Variants in CUL2 observed in about 807,000 individuals in gnomAD.
CUL2 encodes cullin-2.
CUL2 carries 22 observed loss-of-function variants against 110.2 expected under a neutral mutation model. That is an observed-to-expected ratio of 0.20 (90% CI 0.14 to 0.28). CUL2 has a LOEUF of 0.28. Among genes scored for constraint, CUL2 ranks in the 10% least tolerant of loss-of-function variants. The pLI is 1.00. For synonymous variants in CUL2, 279 were observed against 293.2 expected, an observed-to-expected ratio of 0.95 and a Z score of 0.49; for missense variants, 631 against 905.5, an observed-to-expected ratio of 0.70 and a Z score of 3.89.
chr10:35,096,844 C>A (rs894659778), intron 2 of CUL2, among the ~76,000 whole-genome samples: 8 of 143,946 alleles, frequency 5.6e-5, no homozygotes, highest in African/African-American at 7.7e-5. Flanking sequence ...GAGTTTCACT[C>A]TGTTGCCCAG....
intron 18 of CUL2, among the ~76,000 whole-genome samples, chr10:35,015,813 C>T (rs931496323): frequency 6.6e-6 from 1 of 152,178 alleles, no homozygotes; most frequent in Non-Finnish European, 1.5e-5. Flanking sequence ...CAGACATCAA[C>T]AGGCTGTCAT....
chr10:35,020,963 G>GT (rs61100854), intron 17 of CUL2, among the ~76,000 whole-genome samples: 4,231 of 122,460 alleles, frequency 0.035, 90 homozygotes, highest in Non-Finnish European at 0.045. Flanking sequence ...TATTTTATGG[G>GT]TTTTTTTTTT....
At chr10:35,077,673 C>T (rs577294670) in intron 1 of CUL2, among the ~76,000 whole-genome samples, 4 of 151,602 alleles carry the variant, frequency 2.6e-5, no homozygotes, top group East Asian at 1.9e-4. Context: ...CAAAATTAGC[C>T]GGGCACGGTG....
intron 19 of CUL2, 139 bp downstream of exon 19, chr10:35,013,560 C>T (rs1588943107): frequency 1.8e-6 from 1 of 558,592 alleles, no homozygotes; most frequent in South Asian, 2.6e-5. Context: ...TTAATAAATG[C>T]CAACAACAAA....
intron 16 of CUL2, among the ~76,000 whole-genome samples, chr10:35,025,486 C>T (rs924095880): frequency 6.6e-6 from 1 of 152,178 alleles, no homozygotes; most frequent in African/African-American, 2.4e-5. Flanking sequence ...GATTCATTAT[C>T]ATTTCTGAAT....
intron 5 of CUL2, among the ~76,000 whole-genome samples, chr10:35,051,120 C>T (rs1485791859): frequency 6.6e-6 from 1 of 151,450 alleles, no homozygotes; most frequent in East Asian, 1.9e-4. Flanking sequence ...TTGAAACCAT[C>T]CTGGCTAACA....
At chr10:35,125,090 T>A (rs2087730076) in intron 1 of CUL2, among the ~76,000 whole-genome samples, 1 of 152,240 alleles carries the variant, frequency 6.6e-6, no homozygotes. Context: ...TTTCTTCCCA[T>A]TTAAAAACCT....
At chr10:35,067,725 C>G (rs2134967435) in intron 2 of CUL2, among the ~76,000 whole-genome samples, 1 of 148,882 alleles carries the variant, frequency 6.7e-6, no homozygotes, top group East Asian at 2.0e-4. Context: ...ACCTGGGCAA[C>G]AGAGTGAGAC....
chr10:35,078,457 G>A lies in CUL2; in HGVS notation c.-22-7118C>T, dbSNP rs1564743529. 4.6e-5 allele frequency among the ~76,000 whole-genome samples: 7 copies of A among 151,976 alleles called. No individual in the cohort carries two copies. The South Asian group carries it at 1.5e-3, about 32-fold the overall frequency. ...ATTACAGGCTTGCGCCACCACACCG[G>A]TGTAATTTTGTATTTTTTTTTTTAG... is the stretch of plus-strand genomic sequence containing the variant. On this transcript the variant is annotated intron_variant, in intron 1 of 20. Coordinates refer to ENST00000374749, the MANE Select transcript of CUL2 (RefSeq NM_003591.4).
At chr10:35,026,787 G>C (rs2085345623) in intron 16 of CUL2, among the ~76,000 whole-genome samples, 1 of 152,028 alleles carries the variant, frequency 6.6e-6, no homozygotes, top group African/African-American at 2.4e-5. Context: ...TGTTAGCAAA[G>C]CTTATTAGTA....
intron 19 of CUL2, 144 bp from the exon 20 acceptor site, chr10:35,012,108 C>A: frequency 1.7e-6 from 1 of 574,450 alleles, no homozygotes; most frequent in Non-Finnish European, 3.0e-6. Context: ...GGCTGGAGTT[C>A]AGTGACTCGC....
At chr10:35,054,306 T>C (rs942398479) in intron 5 of CUL2, 128 bp downstream of exon 5, 20 of 571,006 alleles carry the variant, frequency 3.5e-5, no homozygotes, top group Non-Finnish European at 5.2e-5. Flanking sequence ...GCATTTTATT[T>C]AGGATCTTTT....
intron 4 of CUL2, 127 bp downstream of exon 4, chr10:35,060,747 C>A (rs2086361344): frequency 2.7e-6 from 2 of 729,756 alleles, no homozygotes; most frequent in Non-Finnish European, 4.4e-6. Context: ...AGAGAAAAGT[C>A]CATGTCAGAG....
intron 19 of CUL2, 65 bp from the exon 20 acceptor site, chr10:35,012,029 T>A: frequency 1.1e-6 from 1 of 934,706 alleles, no homozygotes; most frequent in Non-Finnish European, 1.6e-6. Flanking sequence ...TGTTTTCAAT[T>A]CATTTTATCA....
At chr10:35,094,401 A>G (rs1477837022), upstream of CUL2, among the ~76,000 whole-genome samples, 1 of 152,024 alleles carries the variant, frequency 6.6e-6, no homozygotes, top group Non-Finnish European at 1.5e-5. Flanking sequence ...ACGCCCAGCT[A>G]ATTTTGTATT....
rs2134691921 is a variant in CUL2, at chr10:35,026,134, A to G, written c.1618-936T>C. The stretch of plus-strand genomic sequence containing the variant: ...TACTCTAAGTTTGCCTAGTCCTGGG[A>G]AGCTGAAATATGTTGAGCCTATTTT... On this transcript the variant is annotated intron_variant, in intron 16 of 20. Transcript: ENST00000374749. Among the ~76,000 whole-genome samples, 2 of 152,326 alleles carry G rather than the reference A, an allele frequency of 1.3e-5. 1 individual carries two copies. The highest frequency in any genetic ancestry group is 6.8e-3 in the Middle Eastern group (2 of 294).
intron 5 of CUL2, among the ~76,000 whole-genome samples, chr10:35,051,977 A>G (rs2086124190): frequency 6.6e-6 from 1 of 152,188 alleles, no homozygotes; most frequent in African/African-American, 2.4e-5. Context: ...GGTAATAGGC[A>G]TATGTGTGGT....
intron 1 of CUL2, among the ~76,000 whole-genome samples, chr10:35,117,452 A>T (rs183277211): frequency 1.3e-5 from 2 of 149,564 alleles, no homozygotes; most frequent in Admixed American, 1.3e-4. Flanking sequence ...CTGGTCTTGA[A>T]CTCCTGAGCT....
chr10:35,035,069 G>A, intron 10 of CUL2, 103 bp downstream of exon 10: 1 of 1,350,574 alleles, frequency 7.4e-7, no homozygotes, highest in Non-Finnish European at 1.0e-6. Flanking sequence ...TCGTTGGCAT[G>A]GTAAGACTTT....
Sources: gnomAD v4.1 joint callset for allele counts (sites outside exome capture counted in the v4.1 genomes callset) on GRCh38, gnomAD v4.1.1 for gene constraint, MANE v1.5 for transcripts, NCBI Gene and HGNC (gene_info 2026-07-23, HGNC 2026-07-21) for gene names.